ADAM12: variants seen among roughly 807,000 people sequenced by gnomAD.
The protein encoded by ADAM12 is ADAM metallopeptidase domain 12.
In ADAM12, 70 loss-of-function variants were observed where a neutral mutation model predicts 106.4. The observed-to-expected ratio is 0.66, with a 90% CI of 0.54 to 0.80. The LOEUF (loss-of-function observed/expected upper bound fraction) is 0.80. Ranked by LOEUF, ADAM12 falls within the 30% of genes least tolerant of loss-of-function variation. ADAM12 has a pLI of 0.00. For synonymous variants in ADAM12, 420 were observed against 433.5 expected (o/e 0.97, Z 0.39); for missense variants, 1,010 against 1,171.9 (o/e 0.86, Z 2.02).
intron 3 of ADAM12, among the ~76,000 whole-genome samples, chr10:126,251,872 A>G: frequency 8.4e-6 from 1 of 119,424 alleles, no homozygotes. Context: ...AGATGGATGG[A>G]TGGGATGGAT....
chr10:126,034,277 A>T (rs1024874248), intron 21 of ADAM12, among the ~76,000 whole-genome samples: 7 of 146,052 alleles, frequency 4.8e-5, no homozygotes, highest in African/African-American at 2.0e-4. Context: ...ATAATTACAC[A>T]TGTTACTTCC....
intron 3 of ADAM12, among the ~76,000 whole-genome samples, chr10:126,221,929 A>G (rs1043408162): frequency 3.9e-5 from 6 of 152,336 alleles, no homozygotes; most frequent in African/African-American, 1.4e-4. Context: ...AAACTGTCAT[A>G]GACCCTCAGA....
intron 8 of ADAM12, among the ~76,000 whole-genome samples, chr10:126,104,366 C>T (rs1447133097): frequency 6.6e-6 from 1 of 150,566 alleles, no homozygotes; most frequent in Non-Finnish European, 1.5e-5. Flanking sequence ...AGGAGAATCG[C>T]TTGAACCTGG....
At chr10:126,073,448 G>A (rs562568654) in intron 11 of ADAM12, among the ~76,000 whole-genome samples, 1 of 152,128 alleles carries the variant, frequency 6.6e-6, no homozygotes, top group East Asian at 1.9e-4. Flanking sequence ...GGTTTGTTAT[G>A]TAGGTAGACT....
chr10:126,329,103 T>C (rs570612849), intron 2 of ADAM12, among the ~76,000 whole-genome samples: 9 of 151,222 alleles, frequency 6.0e-5, no homozygotes, highest in Admixed American at 4.7e-4. Flanking sequence ...CAGTTAAATG[T>C]GCATTTCAGA....
At chr10:126,364,575 G>C (rs1011518444) in intron 1 of ADAM12, among the ~76,000 whole-genome samples, 8 of 151,930 alleles carry the variant, frequency 5.3e-5, no homozygotes, top group African/African-American at 1.9e-4. Context: ...AAAATAACTA[G>C]AAAAATAACA....
intron 3 of ADAM12, among the ~76,000 whole-genome samples, chr10:126,252,846 G>C (rs976002018): frequency 2.6e-5 from 4 of 152,164 alleles, no homozygotes; most frequent in African/African-American, 9.7e-5. Flanking sequence ...TGGTAGAACA[G>C]GGACACTGAG....
At chr10:126,309,983 A>AC (rs574119393) in intron 2 of ADAM12, among the ~76,000 whole-genome samples, 58 of 151,836 alleles carry the variant, frequency 3.8e-4, no homozygotes, top group African/African-American at 1.4e-3. Flanking sequence ...ACATGGTGAA[A>AC]CCCCATCTCT....
At chr10:126,350,043 G>C (rs1200568238) in intron 1 of ADAM12, among the ~76,000 whole-genome samples, 1 of 152,182 alleles carries the variant, frequency 6.6e-6, no homozygotes, top group Non-Finnish European at 1.5e-5. Flanking sequence ...CGTGGACACA[G>C]CTTCCATCTA....
intron 3 of ADAM12, among the ~76,000 whole-genome samples, chr10:126,223,961 A>G (rs1958144820): frequency 6.6e-6 from 1 of 152,198 alleles, no homozygotes; most frequent in Non-Finnish European, 1.5e-5. Flanking sequence ...GAGATGCTGG[A>G]TGACTGACCA....
chr10:126,353,817 G>C lies in ADAM12; in HGVS notation c.89-23308C>G, dbSNP rs1462613627. On this transcript the variant is annotated intron_variant, in intron 1 of 22. Transcript: ENST00000448723. ...GGAAAGCTCCCTGCGGTAATCAATT[G>C]ACTGCTCTGGCACAAACAGTCATCT... Among the ~76,000 whole-genome samples, 5 of 152,240 alleles carry C rather than the reference G, an allele frequency of 3.3e-5. No individual in the cohort carries two copies. The East Asian group carries it at 9.7e-4, about 29-fold the overall frequency.
chr10:126,319,212 C>T (rs901047648), intron 2 of ADAM12, among the ~76,000 whole-genome samples: 1 of 152,176 alleles, frequency 6.6e-6, no homozygotes, highest in African/African-American at 2.4e-5. Context: ...GCAGCTACCT[C>T]GCCATCCAGG....
In ADAM12 at chr10:126,013,809, A is replaced by G. The variant is rs1366734471; in HGVS notation, c.*3470T>C. 1 of 152,390 alleles carries G rather than the reference A, an allele frequency of 6.6e-6. No individual in the cohort carries two copies. Among genetic ancestry groups the G allele is most frequent in the Non-Finnish European group, 1.5e-5 (1 of 68,212 alleles). 9.4% of individuals were successfully genotyped at this position (152,390 alleles called of 1,614,324 possible). A position where few individuals can be genotyped will look rare whatever the true frequency, so the allele number is the denominator to read the frequency against. On this transcript the variant is annotated 3_prime_UTR_variant, in exon 23 of 23. Transcript: ENST00000448723. This position sits in a 1 kb window ranked among gnomAD's most constrained non-coding sequence, Gnocchi z 4.3. ...CTGCAGCTGCCTAGGGCTGGCTTCTAGCATGGAGAGGAGAGGAAAAGGGGT... is the reference window on the plus strand; with the variant it reads ...CTGCAGCTGCCTAGGGCTGGCTTCTGGCATGGAGAGGAGAGGAAAAGGGGT...
At chr10:126,057,400 C>CAAAAA (rs1196820296) in intron 14 of ADAM12, among the ~76,000 whole-genome samples, 1 of 33,754 alleles carries the variant, frequency 3.0e-5, no homozygotes, top group African/African-American at 8.3e-5. Context: ...AACAAAAAAA[C>CAAAAA]AAAAAAAAAA....
At chr10:126,181,072 ATTTTT>A in intron 3 of ADAM12, among the ~76,000 whole-genome samples, 1 of 140,750 alleles carries the variant, frequency 7.1e-6, no homozygotes, top group South Asian at 2.3e-4. Flanking sequence ...CTACATAGGG[ATTTTT>A]TTTTTTTTTT....
chr10:126,326,252 A>G (rs1020650978), intron 2 of ADAM12, among the ~76,000 whole-genome samples: 5 of 151,914 alleles, frequency 3.3e-5, no homozygotes, highest in Non-Finnish European at 5.9e-5. Context: ...CAAACCATTT[A>G]AATTAACTCT....
At chr10:126,107,041 AAT>A (rs1338938359) in intron 8 of ADAM12, among the ~76,000 whole-genome samples, 3 of 152,200 alleles carry the variant, frequency 2.0e-5, no homozygotes, top group Non-Finnish European at 4.4e-5. Flanking sequence ...ATTTGCATAC[AAT>A]ATGAGCATGC....
intron 1 of ADAM12, among the ~76,000 whole-genome samples, chr10:126,386,685 T>A (rs978224177): frequency 6.6e-6 from 1 of 152,096 alleles, no homozygotes; most frequent in African/African-American, 2.4e-5. Context: ...AAAAAAAAAA[T>A]TTGTCCCTGC....
At chr10:126,074,457 A>G (rs910138224) in intron 11 of ADAM12, among the ~76,000 whole-genome samples, 1 of 152,214 alleles carries the variant, frequency 6.6e-6, no homozygotes, top group East Asian at 1.9e-4. Context: ...AAATAGGATG[A>G]AGGAGAACAG....
Sources: gnomAD v4.1 joint callset for allele counts (sites outside exome capture counted in the v4.1 genomes callset) on GRCh38, gnomAD v4.1.1 for gene constraint, Gnocchi (gnomAD v3.1) non-coding constraint, MANE v1.5 for transcripts, NCBI Gene and HGNC (gene_info 2026-07-23, HGNC 2026-07-21) for gene names.